MARCHF1: variants seen among roughly 807,000 people sequenced by gnomAD.
The protein encoded by MARCHF1 is membrane associated ring-CH-type finger 1.
In MARCHF1, 40 loss-of-function variants were observed where a neutral mutation model predicts 54.2. The ratio of observed to expected loss-of-function variants is 0.74; its 90% confidence interval spans 0.57 to 0.96. The LOEUF (loss-of-function observed/expected upper bound fraction) is 0.96, where lower values mean the gene tolerates loss of function less well. Ranked by LOEUF, MARCHF1 falls within the 40% of genes least tolerant of loss-of-function variation. The probability of loss-of-function intolerance (pLI) is 0.00; values close to 1 mark genes in which losing one functional copy is unlikely to be tolerated. For synonymous variants in MARCHF1, 236 were observed against 236.3 expected, an observed-to-expected ratio of 1.00 and a Z score of 0.01; for missense variants, 586 against 656.5, an observed-to-expected ratio of 0.89 and a Z score of 1.17.
At chr4:163,925,926 C>T (rs2111376917) in intron 3 of MARCHF1, among the ~76,000 whole-genome samples, 1 of 151,686 alleles carries the variant, frequency 6.6e-6, no homozygotes, top group South Asian at 2.1e-4. Context: ...CAAAGTTTCT[C>T]CCCTTCCAGG....
At chr4:164,189,752 T>C in intron 1 of MARCHF1, 1 of 1,254,054 alleles carries the variant, frequency 8.0e-7, no homozygotes, top group Non-Finnish European at 1.2e-6. Context: ...ATCAACCAAC[T>C]GTCATAATCA....
intron 3 of MARCHF1, among the ~76,000 whole-genome samples, chr4:163,915,251 TTC>T (rs1660411063): frequency 1.3e-5 from 2 of 152,038 alleles, no homozygotes; most frequent in Admixed American, 1.3e-4. Context: ...AAGAAAAAAA[TTC>T]TCTCTTAATA....
chr4:163,752,008 C>T (rs1025534049), intron 4 of MARCHF1, among the ~76,000 whole-genome samples: 3 of 152,088 alleles, frequency 2.0e-5, no homozygotes, highest in Admixed American at 1.3e-4. Flanking sequence ...AAAAAAATTT[C>T]CTTTGGAAGT....
At chr4:164,125,489 C>T (rs1560916195) in intron 1 of MARCHF1, among the ~76,000 whole-genome samples, 3 of 152,134 alleles carry the variant, frequency 2.0e-5, no homozygotes, top group Non-Finnish European at 2.9e-5. Context: ...CCAAAATGTA[C>T]ATCAAGAGAT....
chr4:164,072,675 C>T (rs940638397), intron 2 of MARCHF1, among the ~76,000 whole-genome samples: 1 of 144,454 alleles, frequency 6.9e-6, no homozygotes, highest in African/African-American at 2.6e-5. Context: ...AAAATGAGAG[C>T]ACTAAAACCC....
chr4:164,020,920 A>G (rs949104312), intron 2 of MARCHF1, among the ~76,000 whole-genome samples: 1 of 152,178 alleles, frequency 6.6e-6, no homozygotes, highest in Admixed American at 6.5e-5. Context: ...GATAAAGACC[A>G]TAGTGACTAC....
At chr4:164,279,475 TA>T (rs1733971343) in intron 1 of MARCHF1, among the ~76,000 whole-genome samples, 1 of 151,556 alleles carries the variant, frequency 6.6e-6, no homozygotes, top group Non-Finnish European at 1.5e-5. Flanking sequence ...TCAAAAAATT[TA>T]AATTTCTGTA....
chr4:163,968,268 T>C (rs1752482390), intron 3 of MARCHF1, among the ~76,000 whole-genome samples: 1 of 152,150 alleles, frequency 6.6e-6, no homozygotes, highest in Admixed American at 6.6e-5. Flanking sequence ...ATGAAATTCT[T>C]GACTTGGTTT....
intron 2 of MARCHF1, among the ~76,000 whole-genome samples, chr4:164,093,969 G>A (rs571235210): frequency 8.5e-5 from 13 of 152,082 alleles, no homozygotes; most frequent in Middle Eastern, 3.4e-3. Flanking sequence ...TTCTGTGTTC[G>A]AAATAACTAG....
At chr4:164,073,352 T>C (rs1474317930) in intron 2 of MARCHF1, among the ~76,000 whole-genome samples, 1 of 152,178 alleles carries the variant, frequency 6.6e-6, no homozygotes, top group Non-Finnish European at 1.5e-5. Context: ...TGCAGGGATA[T>C]GGATGAAGCT....
intron 4 of MARCHF1, among the ~76,000 whole-genome samples, chr4:163,707,314 A>C (rs1320875108): frequency 6.6e-6 from 1 of 152,110 alleles, no homozygotes; most frequent in Admixed American, 6.6e-5. Flanking sequence ...AAGACTGATA[A>C]AGTTTAATTT....
intron 2 of MARCHF1, among the ~76,000 whole-genome samples, chr4:164,038,280 T>C (rs186323505): frequency 2.6e-5 from 4 of 152,076 alleles, no homozygotes; most frequent in Admixed American, 2.6e-4. Context: ...GATCACAAGG[T>C]CAGGAGATCG....
At chr4:164,210,734 G>A (rs1731739574) in intron 1 of MARCHF1, among the ~76,000 whole-genome samples, 1 of 152,048 alleles carries the variant, frequency 6.6e-6, no homozygotes, top group East Asian at 1.9e-4. Context: ...CAGAAAGGCA[G>A]GAGGAATCTG....
At chr4:163,922,672 T>C (rs1457352144) in intron 3 of MARCHF1, among the ~76,000 whole-genome samples, 1 of 152,228 alleles carries the variant, frequency 6.6e-6, no homozygotes, top group South Asian at 2.1e-4. Flanking sequence ...CTATCTAATG[T>C]ATTTTCATAG....
downstream of MARCHF1, chr4:163,524,586 G>C (rs1054831587): frequency 6.6e-6 from 1 of 152,092 alleles, no homozygotes; most frequent in Non-Finnish European, 1.5e-5. Flanking sequence ...CATGTCATGA[G>C]TTAGTCAACG....
chr4:164,208,680 T>C (rs1188422934), intron 1 of MARCHF1, among the ~76,000 whole-genome samples: 4 of 151,794 alleles, frequency 2.6e-5, no homozygotes, highest in Non-Finnish European at 5.9e-5. Context: ...TGAGTGAGAG[T>C]TCTGGGTATT....
At chr4:164,189,290 C>T (rs1731060100) in intron 1 of MARCHF1, 2 of 593,014 alleles carry the variant, frequency 3.4e-6, no homozygotes, top group Non-Finnish European at 6.2e-6. Flanking sequence ...CAACATCAAG[C>T]AAGAATTGAA....
chr4:163,751,485 G>C (rs1010414674), intron 4 of MARCHF1, among the ~76,000 whole-genome samples: 8 of 151,922 alleles, frequency 5.3e-5, no homozygotes, highest in African/African-American at 1.9e-4. Context: ...TAGAAAAAAA[G>C]ATTATGTAGG....
chr4:163,862,356 A>G (rs1749957731), intron 3 of MARCHF1, among the ~76,000 whole-genome samples: 1 of 152,104 alleles, frequency 6.6e-6, no homozygotes, highest in Admixed American at 6.6e-5. Flanking sequence ...CTTAAAACTC[A>G]ACAATTAGAA....
Sources: gnomAD v4.1 joint callset for allele counts (sites outside exome capture counted in the v4.1 genomes callset) on GRCh38, gnomAD v4.1.1 for gene constraint, MANE v1.5 for transcripts, NCBI Gene and HGNC (gene_info 2026-07-23, HGNC 2026-07-21) for gene names.